Variants in MARCHF1 observed in about 807,000 individuals in gnomAD.
The protein encoded by MARCHF1 is E3 ubiquitin-protein ligase MARCHF1.
MARCHF1 carries 40 observed loss-of-function variants against 54.2 expected under a neutral mutation model. The ratio of observed to expected loss-of-function variants is 0.74; its 90% CI spans 0.57 to 0.96. MARCHF1 has a LOEUF of 0.96. Ranked by LOEUF, MARCHF1 falls within the 40% of genes least tolerant of loss-of-function variation. The pLI, the probability that MARCHF1 is intolerant of heterozygous loss-of-function variation, is 0.00. For missense variants in MARCHF1, 586 were observed against 656.5 expected (o/e 0.89, Z 1.17); for synonymous variants, 236 against 236.3 (o/e 1.00, Z 0.01).
intron 5 of MARCHF1, among the ~76,000 whole-genome samples, chr4:163,638,020 C>T (rs569113659): frequency 1.4e-5 from 2 of 146,672 alleles, no homozygotes; most frequent in Non-Finnish European, 1.5e-5. Flanking sequence ...CATTTTCTCA[C>T]TCATAGGTGG....
intron 1 of MARCHF1, among the ~76,000 whole-genome samples, chr4:164,378,300 A>G (rs867618269): frequency 3.3e-5 from 5 of 152,196 alleles, no homozygotes; most frequent in South Asian, 2.1e-4. Context: ...GGGACTGGAG[A>G]GACAAAATTA....
chr4:164,047,637 T>C (rs982491179), intron 2 of MARCHF1, among the ~76,000 whole-genome samples: 2 of 152,200 alleles, frequency 1.3e-5, no homozygotes, highest in Admixed American at 6.5e-5. Flanking sequence ...TTTCTAAACA[T>C]ACATACGTTC....
intron 4 of MARCHF1, among the ~76,000 whole-genome samples, chr4:163,783,201 C>T (rs1216515960): frequency 6.6e-6 from 1 of 152,080 alleles, no homozygotes; most frequent in Non-Finnish European, 1.5e-5. Flanking sequence ...AATTGTTATT[C>T]CCCTTTCACA....
chr4:163,776,879 TA>T (rs1425461464), intron 4 of MARCHF1, among the ~76,000 whole-genome samples: 34 of 152,202 alleles, frequency 2.2e-4, no homozygotes, highest in Admixed American at 1.2e-3. Context: ...ACATGTAGAT[TA>T]AAAAGGTAAT....
chr4:164,188,352 G>A lies in MARCHF1; in HGVS notation c.-322-76690C>T, dbSNP rs541374370. 1.7e-4 allele frequency: 74 copies of A among 447,646 alleles called. 1 individual carries two copies. Among genetic ancestry groups the A allele is most frequent in the African/African-American group, 1.4e-3 (71 of 50,750 alleles). The allele number at this position is 447,646 out of a possible 1,614,324, so 27.7% of individuals were successfully genotyped here. A position where few individuals can be genotyped will look rare whatever the true frequency, so the allele number is the denominator to read the frequency against. On this transcript the variant is annotated intron_variant, in intron 1 of 9. Transcript: ENST00000514618. Reference sequence around the variant, plus strand: ...GGCCGGTGGCTTCATTGCCTGCGACGCCCTGCCTCTGCTGCCCGACTGGCT... The same window carrying A: ...GGCCGGTGGCTTCATTGCCTGCGACACCCTGCCTCTGCTGCCCGACTGGCT...
chr4:164,070,864 G>T (rs971945), intron 2 of MARCHF1, among the ~76,000 whole-genome samples: 123,532 of 152,154 alleles, frequency 0.81, 50,584 homozygotes, highest in Non-Finnish European at 0.85. Flanking sequence ...TCTCCAAGAA[G>T]TCCCACAAGT....
intron 2 of MARCHF1, among the ~76,000 whole-genome samples, chr4:164,021,670 CA>C (rs1474108147): frequency 6.6e-6 from 1 of 151,820 alleles, no homozygotes; most frequent in Non-Finnish European, 1.5e-5. Context: ...GCCTGGCCAA[CA>C]TGGTGAAACC....
chr4:163,921,080 A>G (rs962471375), intron 3 of MARCHF1, among the ~76,000 whole-genome samples: 1 of 152,210 alleles, frequency 6.6e-6, no homozygotes, highest in Non-Finnish European at 1.5e-5. Context: ...AAAGAAACTG[A>G]TACCAAATGT....
At chr4:163,621,920 G>T (rs1169152375) in intron 5 of MARCHF1, among the ~76,000 whole-genome samples, 6 of 152,104 alleles carry the variant, frequency 3.9e-5, no homozygotes, top group Non-Finnish European at 5.9e-5. Flanking sequence ...GGAGGACTAT[G>T]TGCCTTTCAG....
rs143384733 is a variant in MARCHF1 at position 163,880,015 on chromosome 4, C to T, written c.-38-25846G>A. 9.5e-4 allele frequency among the ~76,000 whole-genome samples: 145 copies of T among 151,916 alleles called. 2 individuals are homozygous for T. Among genetic ancestry groups the T allele is most frequent in the African/African-American group, 3.4e-3 (139 of 41,466 alleles). ...CCATGATGGCTAAGAAAAAGTTTTG[C>T]TATATTCACAAATTTATAAATTATA... On this transcript the variant is annotated intron_variant, in intron 3 of 9. Coordinates refer to ENST00000514618, the MANE Select transcript of MARCHF1 (RefSeq NM_001394959.1).
At chr4:164,241,651 G>A (rs4455373) in intron 1 of MARCHF1, among the ~76,000 whole-genome samples, 18,099 of 152,040 alleles carry the variant, frequency 0.12, 1,723 homozygotes, top group African/African-American at 0.26. Context: ...GAACAGCTCC[G>A]GTCTACAGCT....
intron 4 of MARCHF1, among the ~76,000 whole-genome samples, chr4:163,742,312 TTCCCTTTCTCTCCC>T (rs1289897644): frequency 6.6e-6 from 1 of 151,656 alleles, no homozygotes; most frequent in East Asian, 1.9e-4. Context: ...TAACTCTTCT[TTCCCTTTCTCTCCC>T]TCCCTTTCCC....
At chr4:163,831,823 T>A (rs1480421748) in intron 4 of MARCHF1, among the ~76,000 whole-genome samples, 2 of 152,168 alleles carry the variant, frequency 1.3e-5, no homozygotes, top group East Asian at 1.9e-4. Flanking sequence ...ATGTGGTAAT[T>A]CTTTGGTGTG....
At chr4:163,636,742 C>G (rs1017211397) in intron 5 of MARCHF1, among the ~76,000 whole-genome samples, 2 of 152,060 alleles carry the variant, frequency 1.3e-5, no homozygotes, top group Admixed American at 6.6e-5. Flanking sequence ...TTGGAAAAAA[C>G]TACTTTAAAG....
chr4:164,003,595 T>C (rs1195150340), intron 2 of MARCHF1, among the ~76,000 whole-genome samples: 2 of 152,060 alleles, frequency 1.3e-5, no homozygotes, highest in African/African-American at 2.4e-5. Context: ...TGAGGTACCA[T>C]CTCACCAGTC....
chr4:164,220,771 ATTTT>A lies in MARCHF1; in HGVS notation c.-322-109113_-322-109110del, dbSNP rs34796186. Among the ~76,000 whole-genome samples the A allele has an allele frequency of 5.6e-3, 818 of 145,152 alleles. 10 individuals carry two copies. Among genetic ancestry groups the A allele is most frequent in the African/African-American group, 0.02 (793 of 39,660 alleles). On this transcript the variant is annotated intron_variant, in intron 1 of 9. Coordinates refer to ENST00000514618, the MANE Select transcript of MARCHF1 (RefSeq NM_001394959.1). ...GCTATATATGTAATATATATGATAT[ATTTT>A]TTTTTGGAAATAATACTTTCTGAAA...
At chr4:164,241,014 C>T (rs536969770) in intron 1 of MARCHF1, among the ~76,000 whole-genome samples, 1 of 152,118 alleles carries the variant, frequency 6.6e-6, no homozygotes. Context: ...TTCCCAATTA[C>T]TCCTATAGGT....
At chr4:164,120,440 C>G (rs1448721080) in intron 1 of MARCHF1, among the ~76,000 whole-genome samples, 1 of 152,086 alleles carries the variant, frequency 6.6e-6, no homozygotes, top group African/African-American at 2.4e-5. Flanking sequence ...GGTAGAAAAT[C>G]AACAGAGAAA....
chr4:163,809,948 C>T lies in MARCHF1; in HGVS notation c.111+44073G>A, dbSNP rs573614019. 2.0e-5 allele frequency among the ~76,000 whole-genome samples: 3 copies of T among 151,002 alleles called. No individual in the cohort carries two copies. The East Asian group carries it at 5.8e-4, about 29-fold the overall frequency. The stretch of plus-strand genomic sequence containing the variant: ...GTAACTACCACAAAACTTTTTTTTC[C>T]TGTCTTAGAATTTTCTTTGGTACTG... On this transcript the variant is annotated intron_variant, in intron 4 of 9. Transcript: ENST00000514618.
Sources: allele counts gnomAD v4.1 joint callset (sites outside exome capture counted in the v4.1 genomes callset), GRCh38; gene constraint gnomAD v4.1.1; transcripts MANE v1.5; gene names NCBI Gene and HGNC (gene_info 2026-07-23, HGNC 2026-07-21).